FBXO11: variants seen among roughly 807,000 people sequenced by gnomAD.
FBXO11 encodes the protein F-box only protein 11.
Under a neutral mutation model 117.0 loss-of-function variants are expected in FBXO11, and 13 were observed. That is an observed-to-expected ratio of 0.11 (90% CI 0.07 to 0.18). FBXO11 has a LOEUF of 0.18. FBXO11 is among the 10% of genes least tolerant of loss of function. The pLI is 1.00. For missense variants in FBXO11, 767 were observed against 1,164.4 expected (o/e 0.66, Z 4.97); for synonymous variants, 490 against 380.5 (o/e 1.29, Z -3.35).
intron 1 of FBXO11, chr2:47,883,352 C>T (rs1288621267): frequency 4.7e-6 from 1 of 210,920 alleles, no homozygotes; most frequent in Non-Finnish European, 9.9e-6. Flanking sequence ...GGAGTGTGTG[C>T]TCTTCTGCTG....
intron 7 of FBXO11, 134 bp downstream of exon 7, chr2:47,834,445 A>G: frequency 1.6e-6 from 1 of 623,454 alleles, no homozygotes; most frequent in Non-Finnish European, 2.6e-6. Flanking sequence ...CACTTAAAAT[A>G]TGTGTGATAT....
intron 7 of FBXO11, among the ~76,000 whole-genome samples, chr2:47,833,993 G>A (rs1672369455): frequency 6.6e-6 from 1 of 152,090 alleles, no homozygotes; most frequent in South Asian, 2.1e-4. Flanking sequence ...AATAAAAGAT[G>A]AAAAAGCTAT....
intron 16 of FBXO11, among the ~76,000 whole-genome samples, chr2:47,814,560 G>A (rs1001840633): frequency 6.6e-6 from 1 of 151,866 alleles, no homozygotes; most frequent in Non-Finnish European, 1.5e-5. Flanking sequence ...TGTATTTTTT[G>A]TAGAGATGGA....
intron 1 of FBXO11, among the ~76,000 whole-genome samples, chr2:47,872,186 G>A (rs1675670665): frequency 6.6e-6 from 1 of 152,192 alleles, no homozygotes; most frequent in Non-Finnish European, 1.5e-5. Flanking sequence ...ATAAAATGCT[G>A]TTTAGAAATT....
intron 9 of FBXO11, 21 bp downstream of exon 9, chr2:47,832,748 A>T: frequency 6.2e-7 from 1 of 1,608,508 alleles, no homozygotes; most frequent in Non-Finnish European, 8.5e-7. Context: ...TTTTATTGTA[A>T]AATATAAAGA....
intron 1 of FBXO11, among the ~76,000 whole-genome samples, chr2:47,903,276 T>C (rs1320696003): frequency 2.6e-5 from 4 of 152,208 alleles, no homozygotes; most frequent in African/African-American, 9.6e-5. Flanking sequence ...CTCACACTAT[T>C]TTCCCTAAAG....
At chr2:47,811,078 T>C (rs1670578831) in intron 18 of FBXO11, 1 of 152,250 alleles carries the variant, frequency 6.6e-6, no homozygotes, top group East Asian at 1.9e-4. Flanking sequence ...AACTTTCACC[T>C]GGATGAGTGG....
chr2:47,886,513 A>T (rs1676862561), intron 1 of FBXO11, among the ~76,000 whole-genome samples: 1 of 152,122 alleles, frequency 6.6e-6, no homozygotes, highest in Non-Finnish European at 1.5e-5. Context: ...AAAAAAAAAA[A>T]AAAAAGTGAA....
chr2:47,823,050 C>T (rs1572785187), intron 12 of FBXO11, 93 bp downstream of exon 12: 6 of 854,482 alleles, frequency 7.0e-6, no homozygotes. Flanking sequence ...AAATGTCTAA[C>T]AAAAACTTTC....
chr2:47,849,087 C>A (rs1017676571), intron 1 of FBXO11, among the ~76,000 whole-genome samples: 8 of 152,034 alleles, frequency 5.3e-5, no homozygotes, highest in African/African-American at 1.9e-4. Flanking sequence ...AGTCTCATGG[C>A]GTAAAGGAAC....
At chr2:47,830,457 G>C (rs1220723707) in intron 11 of FBXO11, among the ~76,000 whole-genome samples, 1 of 152,116 alleles carries the variant, frequency 6.6e-6, no homozygotes, top group Non-Finnish European at 1.5e-5. Flanking sequence ...TTCAAGAATG[G>C]AGAAACGATG....
rs374539822 is a variant in FBXO11 at position 47,836,013 on chromosome 2, A to G, written c.588-12T>C. ...TATATAATCGTTTCCTGAACAGAGA[A>G]AGGAATTAAAATTTTCTTGATAAAA... On this transcript the variant is annotated splice_polypyrimidine_tract_variant and intron_variant, in intron 4 of 22. Transcript: ENST00000403359. 6.4e-6 allele frequency: 10 copies of G among 1,553,616 alleles called. No individual in the cohort carries two copies. The highest frequency in any genetic ancestry group is 1.8e-4 in the Middle Eastern group (1 of 5,464).
At chr2:47,886,228 C>G (rs1676835108) in intron 1 of FBXO11, among the ~76,000 whole-genome samples, 2 of 152,108 alleles carry the variant, frequency 1.3e-5, no homozygotes, top group Admixed American at 1.3e-4. Context: ...GAACCTTTCG[C>G]CAGGCACGGT....
rs1165996503 is a variant in FBXO11 at position 47,836,316 on chromosome 2, CG to C, written c.588-316del. Reference sequence around the variant, plus strand: ...AAAAACAGGATTTAAAACGTGAAAACGTATTTTTCACATTTAAAATTTTCAG... The same window carrying C: ...AAAAACAGGATTTAAAACGTGAAAACTATTTTTCACATTTAAAATTTTCAG... On this transcript the variant is annotated intron_variant, in intron 4 of 22. Transcript: ENST00000403359. 5.3e-5 allele frequency among the ~76,000 whole-genome samples: 8 copies of C among 152,098 alleles called. No individual in the cohort carries two copies. The South Asian group carries it at 1.5e-3, about 28-fold the overall frequency.
chr2:47,852,150 C>T (rs542439424), intron 1 of FBXO11, among the ~76,000 whole-genome samples: 22 of 152,140 alleles, frequency 1.4e-4, no homozygotes, highest in African/African-American at 4.3e-4. Flanking sequence ...CCACCACACC[C>T]GGCTAATTTT....
chr2:47,887,679 G>T (rs1193690669), intron 1 of FBXO11, among the ~76,000 whole-genome samples: 3 of 151,994 alleles, frequency 2.0e-5, no homozygotes, highest in Non-Finnish European at 4.4e-5. Context: ...TGGGCAACAT[G>T]GTGAAATCTC....
rs754794147 is a variant in FBXO11, at chr2:47,809,223, A to G, written c.2490T>C (p.Val830=). 2 of 1,607,090 alleles carry G rather than the reference A, an allele frequency of 1.2e-6. No homozygotes were observed. Among genetic ancestry groups the G allele is most frequent in the South Asian group, 2.2e-5 (2 of 90,238 alleles). The change falls in exon 21 of 23, where the codon GTT becomes GTC. Residue 830 remains valine, a synonymous_variant. Transcript: ENST00000403359. The part of the protein sequence containing the change: ...MNNQDAIEKA[V]SRGQCLYKIS... The stretch of plus-strand genomic sequence containing the variant: ...TTTTATATAAACATTGGCCTCTACT[A>G]ACAGCCTTTTCTATGGCATCTTGAT...
intron 7 of FBXO11, among the ~76,000 whole-genome samples, chr2:47,833,355 T>C (rs945687799): frequency 6.6e-6 from 1 of 152,208 alleles, no homozygotes; most frequent in Non-Finnish European, 1.5e-5. Context: ...GTGGAAACCA[T>C]TCTGTTTCCA....
At chr2:47,881,528 T>C (rs1199567086) in intron 1 of FBXO11, among the ~76,000 whole-genome samples, 1 of 152,192 alleles carries the variant, frequency 6.6e-6, no homozygotes, top group Non-Finnish European at 1.5e-5. Flanking sequence ...TTGAAACTAA[T>C]AGCATTATCT....
Sources: gnomAD v4.1 joint callset for allele counts (sites outside exome capture counted in the v4.1 genomes callset) on GRCh38, gnomAD v4.1.1 for gene constraint, MANE v1.5 for transcripts, NCBI Gene and HGNC (gene_info 2026-07-23, HGNC 2026-07-21) for gene names.